Variants in CTNNBIP1 observed in about 807,000 individuals in gnomAD.
CTNNBIP1 encodes catenin beta interacting protein 1.
In CTNNBIP1, 7 loss-of-function variants were observed where a neutral mutation model predicts 11.8. The ratio of observed to expected loss-of-function variants is 0.60; its 90% CI spans 0.34 to 1.12. The LOEUF is 1.12. Among genes scored for constraint, CTNNBIP1 ranks in the 50% most tolerant of loss-of-function variants. The pLI is 0.03. For missense variants in CTNNBIP1, 101 were observed against 113.4 expected, an observed-to-expected ratio of 0.89 and a Z score of 0.50; for synonymous variants, 58 against 43.9, an observed-to-expected ratio of 1.32 and a Z score of -1.26.
intron 5 of CTNNBIP1, among the ~76,000 whole-genome samples, chr1:9,865,322 C>A (rs1039861570): frequency 1.3e-5 from 2 of 151,564 alleles, no homozygotes; most frequent in South Asian, 2.1e-4. Flanking sequence ...GTATTAAGGC[C>A]GGGCGCGGTG....
Position 9,867,890 on chromosome 1 carries a change from A to G in CTNNBIP1, c.187+3297T>C, listed in dbSNP as rs182826180. On this transcript the variant is annotated intron_variant, in intron 5 of 5. Transcript: ENST00000377263. This position sits in a 1 kb window ranked among gnomAD's most constrained non-coding sequence, Gnocchi z 4.6. ...GAAGGTGGGCAGGTGAGATTTTAAC[A>G]GAGATCCATTTGCCCACATGGCACA... Among the ~76,000 whole-genome samples, 300 of 152,338 alleles carry G rather than the reference A, an allele frequency of 2.0e-3. 2 individuals carry two copies. Among genetic ancestry groups the G allele is most frequent in the African/African-American group, 6.7e-3 (278 of 41,586 alleles).
intron 1 of CTNNBIP1, among the ~76,000 whole-genome samples, chr1:9,884,048 C>T (rs2101511732): frequency 6.6e-6 from 1 of 152,066 alleles, no homozygotes; most frequent in Admixed American, 6.5e-5. Flanking sequence ...GAGGCAGAGG[C>T]ACAGAAAAGG....
intron 1 of CTNNBIP1, among the ~76,000 whole-genome samples, chr1:9,890,518 A>T (rs1639280103): frequency 6.6e-6 from 1 of 152,248 alleles, no homozygotes; most frequent in Non-Finnish European, 1.5e-5. Context: ...CAGCACGCCT[A>T]CAAAATCCAG....
At chr1:9,885,644 TAAA>T (rs528856859) in intron 1 of CTNNBIP1, among the ~76,000 whole-genome samples, 2 of 133,790 alleles carry the variant, frequency 1.5e-5, no homozygotes, top group Non-Finnish European at 1.6e-5. Flanking sequence ...ACCCTGTCTC[TAAA>T]AAAAAAAAAA....
chr1:9,896,650 T>C (rs1639413784), intron 1 of CTNNBIP1, among the ~76,000 whole-genome samples: 1 of 151,938 alleles, frequency 6.6e-6, no homozygotes, highest in Non-Finnish European at 1.5e-5. Context: ...CTGACTAACA[T>C]GGTAAAACCC....
rs1351284427 is a variant in CTNNBIP1 at position 9,871,932 on chromosome 1, C to T, written c.96+37G>A. On this transcript the variant is annotated intron_variant, in intron 4 of 5. Transcript: ENST00000377263. This position sits in a 1 kb window ranked among gnomAD's most constrained non-coding sequence, Gnocchi z 5.2. ...AGGGCCCCTCCCTGGGAGACCCTCC[C>T]TGGGGGCCCGCTGCCTGACACCCCA... The T allele has an allele frequency of 3.2e-6, 5 of 1,581,142 alleles. No individual in the cohort carries two copies. The highest frequency in any genetic ancestry group is 4.3e-6 in the Non-Finnish European group (5 of 1,150,156).
chr1:9,900,655 A>G (rs1639504683), intron 1 of CTNNBIP1, among the ~76,000 whole-genome samples: 1 of 152,242 alleles, frequency 6.6e-6, no homozygotes, highest in South Asian at 2.1e-4. Context: ...AGGTCTCTGC[A>G]CTGCTCCGGC....
At chr1:9,886,978 C>T (rs545497428) in intron 1 of CTNNBIP1, among the ~76,000 whole-genome samples, 1 of 152,152 alleles carries the variant, frequency 6.6e-6, no homozygotes, top group African/African-American at 2.4e-5. Flanking sequence ...ATTCCCGAAC[C>T]GCACTCCACC....
At chr1:9,891,323 C>T (rs1442701423) in intron 1 of CTNNBIP1, among the ~76,000 whole-genome samples, 2 of 152,172 alleles carry the variant, frequency 1.3e-5, no homozygotes, top group African/African-American at 2.4e-5. Flanking sequence ...CAGATCTTCT[C>T]AACAGGCACC....
At chr1:9,892,470 G>A (rs570704860) in intron 1 of CTNNBIP1, among the ~76,000 whole-genome samples, 15 of 150,122 alleles carry the variant, frequency 1.0e-4, no homozygotes, top group Non-Finnish European at 1.9e-4. Flanking sequence ...GCTTGCACCT[G>A]TAGGCCCAGT....
chr1:9,885,883 G>C (rs1284229369), intron 1 of CTNNBIP1, among the ~76,000 whole-genome samples: 1 of 150,104 alleles, frequency 6.7e-6, no homozygotes, highest in African/African-American at 2.5e-5. Context: ...GGTGAGCCAA[G>C]ATTGTGCCAT....
At chr1:9,870,551 TG>T (rs1443851217) in intron 5 of CTNNBIP1, among the ~76,000 whole-genome samples, 2 of 152,138 alleles carry the variant, frequency 1.3e-5, no homozygotes, top group African/African-American at 4.8e-5. Flanking sequence ...GCCTGTTAAG[TG>T]GAAGTATTAA....
At chr1:9,903,151 T>C (rs948945753) in intron 1 of CTNNBIP1, among the ~76,000 whole-genome samples, 1 of 152,146 alleles carries the variant, frequency 6.6e-6, no homozygotes, top group African/African-American at 2.4e-5. Flanking sequence ...TAATAAATAT[T>C]TGTTAATTGA....
chr1:9,907,083 C>T (rs1249099290), intron 1 of CTNNBIP1, among the ~76,000 whole-genome samples: 1 of 152,180 alleles, frequency 6.6e-6, no homozygotes, highest in East Asian at 1.9e-4. Flanking sequence ...GCCTGTGTAA[C>T]CCCCAAGGTC....
intron 5 of CTNNBIP1, among the ~76,000 whole-genome samples, chr1:9,858,453 C>T (rs1638554324): frequency 1.3e-5 from 2 of 152,204 alleles, no homozygotes; most frequent in Admixed American, 1.3e-4. Context: ...ACTGCGCCAG[C>T]TACATGGGCC....
chr1:9,873,267 A>ACAGCCCAG (rs992954117), intron 3 of CTNNBIP1, among the ~76,000 whole-genome samples: 6 of 152,042 alleles, frequency 3.9e-5, no homozygotes, highest in African/African-American at 1.2e-4. Context: ...CTAAACCCCT[A>ACAGCCCAG]CAGCCCAGAC....
chr1:9,864,594 CTGAGATTA>C (rs1638706558), intron 5 of CTNNBIP1, among the ~76,000 whole-genome samples: 1 of 152,222 alleles, frequency 6.6e-6, no homozygotes. Flanking sequence ...TCCGAAAGTG[CTGAGATTA>C]CAGGTGTGAG....
intron 5 of CTNNBIP1, among the ~76,000 whole-genome samples, chr1:9,858,685 C>T (rs184321243): frequency 2.7e-4 from 41 of 152,322 alleles, no homozygotes; most frequent in African/African-American, 9.9e-4. Context: ...TTGAGCTGAC[C>T]TTCCTTTCTC....
chr1:9,907,849 G>C (rs1243989816), intron 1 of CTNNBIP1, among the ~76,000 whole-genome samples: 4 of 152,170 alleles, frequency 2.6e-5, no homozygotes, highest in Non-Finnish European at 5.9e-5. Context: ...CCAGGCAGCT[G>C]CAATAGTCTG....
Sources: allele counts gnomAD v4.1 joint callset (sites outside exome capture counted in the v4.1 genomes callset), GRCh38; gene constraint gnomAD v4.1.1; non-coding constraint Gnocchi (gnomAD v3.1); transcripts MANE v1.5; gene names NCBI Gene and HGNC (gene_info 2026-07-23, HGNC 2026-07-21).